CPEB3: variants seen among roughly 807,000 people sequenced by gnomAD.
The protein encoded by CPEB3 is cytoplasmic polyadenylation element binding protein 3.
Under a neutral mutation model 67.2 loss-of-function variants are expected in CPEB3, and 20 were observed. The ratio of observed to expected loss-of-function variants is 0.30; its 90% CI spans 0.21 to 0.43. The LOEUF is 0.43. CPEB3 is among the 20% of genes least tolerant of loss of function. The pLI is 1.00. For synonymous variants in CPEB3, 376 were observed against 393.1 expected (o/e 0.96, Z 0.51); for missense variants, 746 against 968.6 (o/e 0.77, Z 3.05).
At chr10:92,199,679 CAAAAAAAA>C (rs59100106) in intron 2 of CPEB3, among the ~76,000 whole-genome samples, 7 of 71,100 alleles carry the variant, frequency 9.8e-5, no homozygotes, top group Non-Finnish European at 1.3e-4. Flanking sequence ...GACTCCATCT[CAAAAAAAA>C]AAAAAAAAAA....
At position 92,187,016 on chromosome 10, in the gene CPEB3, A is replaced by G. The variant is rs193210824; in HGVS notation, c.1165+5461T>C. Among the ~76,000 whole-genome samples the G allele has an allele frequency of 6.1e-4, 93 of 152,350 alleles. 2 individuals are homozygous for G. The highest frequency in any genetic ancestry group is 5.6e-3 in the Admixed American group (86 of 15,308). Reference sequence around the variant, plus strand: ...CCACAGAAGTAAATAAAGAGACAGTATATTTTTCTGGAACAAACAAGCAAA... The same window carrying G: ...CCACAGAAGTAAATAAAGAGACAGTGTATTTTTCTGGAACAAACAAGCAAA... On this transcript the variant is annotated intron_variant, in intron 3 of 9. Transcript: ENST00000265997.
chr10:92,049,768 AAG>A lies in CPEB3; in HGVS notation c.*2442_*2443del, dbSNP rs924215085. On this transcript the variant is annotated 3_prime_UTR_variant, in exon 10 of 10. Coordinates refer to ENST00000265997, the MANE Select transcript of CPEB3 (RefSeq NM_014912.5). ...ATCTCAGTGTTATTTTAATACATGA[AAG>A]AGGGGTGCTTCTTCAAAAAGTTTTG... 6.6e-6 allele frequency: 1 copy of A among 152,604 alleles called. No homozygotes were observed. The highest frequency in any genetic ancestry group is 2.4e-5 in the African/African-American group (1 of 41,458). The allele number at this position is 152,604 out of a possible 1,614,324, so 9.5% of individuals were successfully genotyped here. A position where few individuals can be genotyped will look rare whatever the true frequency, so the allele number is the denominator to read the frequency against.
At chr10:92,100,655 G>A (rs762830562) in intron 7 of CPEB3, among the ~76,000 whole-genome samples, 1 of 151,916 alleles carries the variant, frequency 6.6e-6, no homozygotes, top group Non-Finnish European at 1.5e-5. Context: ...GCAGTGGCAC[G>A]ATCTCGGCTC....
chr10:92,086,124 T>G (rs575077448), intron 8 of CPEB3, among the ~76,000 whole-genome samples: 84 of 152,276 alleles, frequency 5.5e-4, no homozygotes, highest in African/African-American at 2.0e-3. Context: ...AAATAACACA[T>G]TCGTCTCTAC....
chr10:92,157,349 C>T (rs571028042), intron 4 of CPEB3, among the ~76,000 whole-genome samples: 1 of 152,268 alleles, frequency 6.6e-6, no homozygotes, highest in African/African-American at 2.4e-5. Flanking sequence ...ATGCTTTCTA[C>T]GACATCCGGC....
At chr10:92,108,642 G>T (rs2133458447) in intron 7 of CPEB3, among the ~76,000 whole-genome samples, 1 of 152,302 alleles carries the variant, frequency 6.6e-6, no homozygotes, top group African/African-American at 2.4e-5. Flanking sequence ...TCAAAGAAAT[G>T]TGTGATTGGC....
At chr10:92,240,461 C>G in intron 1 of CPEB3, 100 bp from the exon 2 acceptor site, 1 of 1,123,784 alleles carries the variant, frequency 8.9e-7, no homozygotes, top group Non-Finnish European at 1.2e-6. Flanking sequence ...CCATCGCCAC[C>G]GCTACTAGCC....
chr10:92,056,970 T>TGGGCC (rs1842134344), intron 9 of CPEB3, among the ~76,000 whole-genome samples: 1 of 152,352 alleles, frequency 6.6e-6, no homozygotes, highest in African/African-American at 2.4e-5. Context: ...TAGACACACC[T>TGGGCC]TGGGCCAGAA....
At chr10:92,226,515 G>A (rs1850982236) in intron 2 of CPEB3, among the ~76,000 whole-genome samples, 1 of 152,156 alleles carries the variant, frequency 6.6e-6, no homozygotes. Context: ...TGTAAATGTA[G>A]ATCATAAACA....
At chr10:92,229,924 T>C (rs914108799) in intron 2 of CPEB3, among the ~76,000 whole-genome samples, 1 of 152,092 alleles carries the variant, frequency 6.6e-6, no homozygotes, top group African/African-American at 2.4e-5. Flanking sequence ...CGCATGCCTA[T>C]AATCCCAGCT....
intron 1 of CPEB3, among the ~76,000 whole-genome samples, chr10:92,252,832 T>C (rs956344187): frequency 1.3e-5 from 2 of 152,080 alleles, no homozygotes; most frequent in Admixed American, 1.3e-4. Flanking sequence ...ACTCCAACTG[T>C]ATAAAACAGC....
At chr10:92,231,601 C>T (rs996475291) in intron 2 of CPEB3, among the ~76,000 whole-genome samples, 2 of 152,136 alleles carry the variant, frequency 1.3e-5, no homozygotes, top group African/African-American at 4.8e-5. Context: ...GTGACAGAGC[C>T]AAGGCTTTAA....
chr10:92,138,911 G>T (rs1846249044), intron 6 of CPEB3, among the ~76,000 whole-genome samples: 1 of 152,184 alleles, frequency 6.6e-6, no homozygotes, highest in African/African-American at 2.4e-5. Flanking sequence ...CATGTTTGTT[G>T]CAGCACTATT....
chr10:92,176,047 C>A (rs1303551236), intron 4 of CPEB3, among the ~76,000 whole-genome samples: 1 of 152,030 alleles, frequency 6.6e-6, no homozygotes, highest in Admixed American at 6.6e-5. Flanking sequence ...GCCGAGATTA[C>A]ACCACTGTAC....
intron 9 of CPEB3, among the ~76,000 whole-genome samples, chr10:92,061,366 C>T (rs925426649): frequency 6.8e-6 from 1 of 146,788 alleles, no homozygotes; most frequent in Non-Finnish European, 1.5e-5. Context: ...TTGCAGTGAG[C>T]CAAGATCGCG....
intron 4 of CPEB3, among the ~76,000 whole-genome samples, chr10:92,173,254 C>A (rs1046791695): frequency 3.3e-5 from 5 of 152,246 alleles, no homozygotes; most frequent in African/African-American, 4.8e-5. Context: ...GGAAGTCCAC[C>A]GGGAAGAGTA....
intron 7 of CPEB3, 32 bp downstream of exon 7, chr10:92,111,044 G>A: frequency 7.0e-7 from 1 of 1,430,942 alleles, no homozygotes. Flanking sequence ...TATGTGCTCT[G>A]GAAAAGCAAC....
intron 3 of CPEB3, among the ~76,000 whole-genome samples, chr10:92,186,633 C>A (rs1848706346): frequency 6.6e-6 from 1 of 152,052 alleles, no homozygotes; most frequent in African/African-American, 2.4e-5. Flanking sequence ...CAGGGTTTCA[C>A]CATGTAGGCC....
chr10:92,217,328 A>C (rs1374528954), intron 2 of CPEB3, among the ~76,000 whole-genome samples: 2 of 151,570 alleles, frequency 1.3e-5, no homozygotes, highest in Non-Finnish European at 2.9e-5. Context: ...CTAATGATAT[A>C]AACCACTATG....
Sources: gnomAD v4.1 joint callset for allele counts (sites outside exome capture counted in the v4.1 genomes callset) on GRCh38, gnomAD v4.1.1 for gene constraint, MANE v1.5 for transcripts, NCBI Gene and HGNC (gene_info 2026-07-23, HGNC 2026-07-21) for gene names.